SYNE2: variants seen among roughly 807,000 people sequenced by gnomAD.
SYNE2 encodes the protein nesprin-2.
A neutral mutation model predicts 856.3 loss-of-function variants in SYNE2; 431 were observed. The observed-to-expected ratio is 0.50, with a 90% CI of 0.47 to 0.55. SYNE2 has a LOEUF of 0.55. Ranked by LOEUF, SYNE2 falls within the 20% of genes least tolerant of loss-of-function variation. The pLI is 0.00. For synonymous variants in SYNE2, 2,923 were observed against 2,872.3 expected, an observed-to-expected ratio of 1.02 and a Z score of -0.56; for missense variants, 8,129 against 8,023.2, an observed-to-expected ratio of 1.01 and a Z score of -0.50.
intron 15 of SYNE2, 77 bp downstream of exon 15, chr14:63,980,809 A>G: frequency 8.3e-7 from 1 of 1,202,872 alleles, no homozygotes; most frequent in South Asian, 1.3e-5. Flanking sequence ...CTTTCTATAT[A>G]ATGTTTTAGA....
chr14:63,960,815 T>C (rs2096303255), intron 8 of SYNE2: 1 of 760,358 alleles, frequency 1.3e-6, no homozygotes, highest in Non-Finnish European at 2.4e-6. Flanking sequence ...GAGGCTGAGA[T>C]TGGAGGACTG....
intron 1 of SYNE2, among the ~76,000 whole-genome samples, chr14:63,876,301 C>T (rs1435735259): frequency 6.6e-6 from 1 of 151,436 alleles, no homozygotes; most frequent in Non-Finnish European, 1.5e-5. Flanking sequence ...CCTGTAATTC[C>T]AGCTACTTGG....
At position 63,998,959 on chromosome 14, in the gene SYNE2, C is replaced by T; in HGVS notation, c.3399C>T (p.Asn1133=). 6.2e-7 allele frequency: 1 copy of T among 1,614,088 alleles called. No homozygotes were observed. Among genetic ancestry groups the T allele is most frequent in the African/African-American group, 1.3e-5 (1 of 75,040 alleles). ...RDILEHHLQN[N]KFRITSDFSS... Reference sequence around the variant, plus strand: ...TTCTTGAACACCACCTGCAAAACAACAAATTCAGGATTACTTCTGATTTCT... The same window carrying T: ...TTCTTGAACACCACCTGCAAAACAATAAATTCAGGATTACTTCTGATTTCT... Residue 1133 remains asparagine, a synonymous_variant, in exon 27 of 116, where the codon AAC becomes AAT. Coordinates refer to ENST00000555002, the MANE Select transcript of SYNE2 (RefSeq NM_182914.3).
In SYNE2 at chr14:64,170,468, G is replaced by A. The variant is rs1444245511; in HGVS notation, c.17235+6G>A. ...GTCTGATCCATGAGCTGAAGGTAGT[G>A]TATGCATCGTAGCAGTGTGAGAACC... On this transcript the variant is annotated splice_donor_region_variant and intron_variant, in intron 94 of 115. Coordinates refer to ENST00000555002, the MANE Select transcript of SYNE2 (RefSeq NM_182914.3). The A allele has an allele frequency of 1.2e-6, 2 of 1,602,802 alleles. No homozygotes were observed. Among genetic ancestry groups the A allele is most frequent in the East Asian group, 2.2e-5 (1 of 44,512 alleles).
intron 1 of SYNE2, among the ~76,000 whole-genome samples, chr14:63,861,857 T>C (rs1893832282): frequency 6.6e-6 from 1 of 152,240 alleles, no homozygotes; most frequent in Admixed American, 6.5e-5. Flanking sequence ...GATACAGTTA[T>C]GTTTGACAGT....
chr14:64,195,272 G>A (rs1312627882), intron 99 of SYNE2, among the ~76,000 whole-genome samples: 1 of 152,206 alleles, frequency 6.6e-6, no homozygotes, highest in African/African-American at 2.4e-5. Context: ...GAAAATGATT[G>A]TAATTTTCTT....
chr14:64,130,549 A>G (rs1001155186), intron 76 of SYNE2, among the ~76,000 whole-genome samples: 9 of 152,236 alleles, frequency 5.9e-5, no homozygotes, highest in Admixed American at 3.9e-4. Context: ...GATACATTCT[A>G]TGAGAGCATT....
At chr14:64,037,408 AG>A (rs2097100238) in intron 45 of SYNE2, among the ~76,000 whole-genome samples, 1 of 151,832 alleles carries the variant, frequency 6.6e-6, no homozygotes, top group East Asian at 1.9e-4. Flanking sequence ...TTTAACCCTG[AG>A]TGGACACAGC....
chr14:64,105,079 A>G (rs368350650), intron 64 of SYNE2, among the ~76,000 whole-genome samples: 1 of 152,122 alleles, frequency 6.6e-6, no homozygotes, highest in African/African-American at 2.4e-5. Flanking sequence ...AATGATGTCC[A>G]TTCACTGTGT....
chr14:64,210,190 G>T lies in SYNE2; in HGVS notation c.18723+66G>T, dbSNP rs149316258. The T allele has an allele frequency of 5.1e-6, 8 of 1,555,118 alleles. No individual in the cohort carries two copies. In the Admixed American group the frequency reaches 1.5e-4, roughly 28 times the overall value. On this transcript the variant is annotated intron_variant, in intron 103 of 115. Transcript: ENST00000555002. ...GAGACATAACGCACGATACGCAATG[G>T]CAGGCTTGTGGCACAAAGCAGCAGG...
At chr14:64,074,203 G>T in intron 53 of SYNE2, 67 bp downstream of exon 53, 1 of 1,526,264 alleles carries the variant, frequency 6.6e-7, no homozygotes, top group Non-Finnish European at 9.1e-7. Flanking sequence ...AAAGTCCTTG[G>T]GGTAGAGATA....
chr14:64,187,447 T>TG (rs1478123809), intron 97 of SYNE2, among the ~76,000 whole-genome samples: 1 of 152,202 alleles, frequency 6.6e-6, no homozygotes, highest in African/African-American at 2.4e-5. Context: ...ACAGGAAGAC[T>TG]GGGGCCCAGA....
chr14:64,138,137 G>A (rs1011340007), intron 79 of SYNE2, 154 bp downstream of exon 79: 6 of 728,814 alleles, frequency 8.2e-6, no homozygotes, highest in East Asian at 8.1e-5. Context: ...GGCTAAACGC[G>A]ATGTAGAATC....
intron 1 of SYNE2, among the ~76,000 whole-genome samples, chr14:63,890,812 C>T (rs1191252121): frequency 1.3e-5 from 2 of 152,190 alleles, no homozygotes; most frequent in African/African-American, 4.8e-5. Flanking sequence ...GAAATTGCTC[C>T]TTTTCCTTTT....
intron 50 of SYNE2, among the ~76,000 whole-genome samples, chr14:64,064,712 C>T (rs938884046): frequency 5.9e-5 from 9 of 151,734 alleles, no homozygotes; most frequent in African/African-American, 2.2e-4. Context: ...CACCACCATG[C>T]CTGGTTAATT....
At chr14:63,783,233 C>G (rs1414598092) in intron 1 of SYNE2, among the ~76,000 whole-genome samples, 1 of 152,188 alleles carries the variant, frequency 6.6e-6, no homozygotes, top group Non-Finnish European at 1.5e-5. Context: ...TCCTCCTGCG[C>G]TAATTCTCCT....
chr14:64,052,630 A>G lies in SYNE2; in HGVS notation c.8717A>G (p.Asn2906Ser), dbSNP rs753298185. Residue 2906 changes from asparagine to serine, a missense_variant, in exon 48 of 116, where the codon AAT (asparagine) becomes AGT (serine). By Grantham distance (46) the Asn-to-Ser change is conservative. Transcript: ENST00000555002. ...CTAACAAACATCTATGAGGAGCTGA[A>G]TGTGTTTGAAAGATTATTTCTGGAA... Reference protein sequence around the residue: ...QELTNIYEELNVFERLFLEDQ... With the variant: ...QELTNIYEELSVFERLFLEDQ... 1.2e-5 allele frequency: 19 copies of G among 1,614,140 alleles called. No homozygotes were observed. The highest frequency in any genetic ancestry group is 3.3e-5 in the Admixed American group (2 of 60,008).
At chr14:63,896,488 T>C (rs1338275812) in intron 1 of SYNE2, among the ~76,000 whole-genome samples, 1 of 152,212 alleles carries the variant, frequency 6.6e-6, no homozygotes, top group Non-Finnish European at 1.5e-5. Context: ...CATTCCTCTA[T>C]GAATATTGTT....
At chr14:64,012,942 C>T (rs779891027) in intron 32 of SYNE2, among the ~76,000 whole-genome samples, 15 of 152,148 alleles carry the variant, frequency 9.9e-5, no homozygotes, top group Non-Finnish European at 1.8e-4. Context: ...TTTTGTCCTT[C>T]AAAACTGTAG....
Sources: allele counts gnomAD v4.1 joint callset (sites outside exome capture counted in the v4.1 genomes callset), GRCh38; gene constraint gnomAD v4.1.1; transcripts MANE v1.5; gene names NCBI Gene and HGNC (gene_info 2026-07-23, HGNC 2026-07-21).